SEC16A: variants seen among roughly 807,000 people sequenced by gnomAD.
SEC16A encodes SEC16 homolog A, endoplasmic reticulum export factor, also known as protein transport protein Sec16A.
In SEC16A, 110 loss-of-function variants were observed where a neutral mutation model predicts 221.9. The observed-to-expected ratio is 0.50, with a 90% CI of 0.42 to 0.58. The LOEUF (loss-of-function observed/expected upper bound fraction) is 0.58. Among genes scored for constraint, SEC16A ranks in the 20% least tolerant of loss-of-function variants. The pLI is 0.00. For synonymous variants in SEC16A, 1,393 were observed against 1,257.7 expected, an observed-to-expected ratio of 1.11 and a Z score of -2.28; for missense variants, 3,165 against 3,097.8, an observed-to-expected ratio of 1.02 and a Z score of -0.52.
At chr9:136,483,230 C>CTCTGCCCCGCCCCT, upstream of SEC16A, among the ~76,000 whole-genome samples, 2 of 144,282 alleles carry the variant, frequency 1.4e-5, no homozygotes, top group South Asian at 4.6e-4. Context: ...GTCCCGCCCC[C>CTCTGCCCCGCCCCT]TCTGCCCCCG....
At chr9:136,448,774 G>A (rs1300984692) in intron 23 of SEC16A, 5 of 712,902 alleles carry the variant, frequency 7.0e-6, no homozygotes, top group South Asian at 1.5e-5. Flanking sequence ...GAGACACCAG[G>A]AGGATGGAGG....
At chr9:136,471,889 T>G in intron 4 of SEC16A, 86 bp downstream of exon 4, 1 of 1,490,380 alleles carries the variant, frequency 6.7e-7, no homozygotes, top group Non-Finnish European at 9.2e-7. Flanking sequence ...CAGAACTTTT[T>G]GAGTCACTAA....
chr9:136,482,872 C>G, intron 1 of SEC16A, 66 bp downstream of exon 1: 3 of 670,154 alleles, frequency 4.5e-6, no homozygotes, highest in Non-Finnish European at 3.7e-6. Context: ...CACGGCCTGG[C>G]TCCGCCGGCC....
At position 136,469,102 on chromosome 9, in the gene SEC16A, A is replaced by G. The variant is rs1186013693; in HGVS notation, c.3705-590T>C. On this transcript the variant is annotated intron_variant, in intron 4 of 31. Coordinates refer to ENST00000684901, the MANE Select transcript of SEC16A (RefSeq NM_014866.2). ...TGGGGTCAAGCGATCCACCCACCTCAGCCTCCTAAAGTGCTGGGATTGCAG... is the reference window on the plus strand; with the variant it reads ...TGGGGTCAAGCGATCCACCCACCTCGGCCTCCTAAAGTGCTGGGATTGCAG... Among the ~76,000 whole-genome samples, 8 of 152,260 alleles carry G rather than the reference A, an allele frequency of 5.3e-5. No homozygotes were observed. The East Asian group carries it at 1.5e-3, about 29-fold the overall frequency.
In SEC16A at chr9:136,476,289, T is replaced by C. The variant is rs866592757; in HGVS notation, c.1327A>G (p.Thr443Ala). 5.6e-6 allele frequency: 9 copies of C among 1,613,160 alleles called. No homozygotes were observed. In the Middle Eastern group the frequency reaches 1.2e-3, roughly 207 times the overall value. Residue 443 changes from threonine (T) to alanine (A), a missense_variant, in exon 3 of 32, where the codon ACA (threonine) becomes GCA (alanine). By Grantham distance (58) the Thr-to-Ala change is moderately conservative. Coordinates refer to ENST00000684901, the MANE Select transcript of SEC16A (RefSeq NM_014866.2). ...NEAAGDVWGD[T>A]ASTGVPDASG... ...GCATCCGGCACCCCTGTGCTCGCTG[T>C]GTCACCCCACACATCACCAGCAGCC...
chr9:136,463,641 G>T (rs1163776014), intron 10 of SEC16A, 38 bp downstream of exon 10: 28 of 1,613,640 alleles, frequency 1.7e-5, no homozygotes, highest in Non-Finnish European at 2.4e-5. Context: ...TGTCTGCAAG[G>T]CCGGGCTCAC....
At chr9:136,483,548 C>G (rs572146202), upstream of SEC16A, 13 of 985,174 alleles carry the variant, frequency 1.3e-5, no homozygotes, top group African/African-American at 2.3e-4. Context: ...CGGCCAGGCG[C>G]GCCGGGGCCG....
Position 136,475,232 on chromosome 9 carries a change from G to C in SEC16A, c.2384C>G (p.Pro795Arg). ...IGASENLENP[P>R]KMGEEEALQS... ...AAGGGCCTCCTCCTCTCCCATTTTG[G>C]GAGGATTCTCAAGGTTCTCAGAAGC... The change falls in exon 3 of 32, where the codon CCC becomes CGC. Residue 795 changes from proline to arginine, a missense_variant. Pro to Arg is a moderately radical substitution (Grantham distance 103). This residue lies in a region of SEC16A where 2,030 missense variants were observed against 1,923.1 expected (regional missense o/e 1.06). Transcript: ENST00000684901. The surrounding 1 kb of genome is among the most constrained non-coding windows in gnomAD (Gnocchi z 5.0). 6.2e-7 allele frequency: 1 copy of C among 1,613,642 alleles called. No individual in the cohort carries two copies. The highest frequency in any genetic ancestry group is 8.5e-7 in the Non-Finnish European group (1 of 1,179,862).
rs187124099 is a variant in SEC16A, at chr9:136,454,255, G to A, written c.5930C>T (p.Pro1977Leu). The change falls in exon 21 of 32, where the codon CCG becomes CTG. Residue 1977 changes from proline to leucine, a missense_variant. By Grantham distance (98) the Pro-to-Leu change is moderately conservative. Coordinates refer to ENST00000684901, the MANE Select transcript of SEC16A (RefSeq NM_014866.2). ...GCCAGGACCCGGCTCCAGGGGCCCC[G>A]GGGGCAGTGGCACTGGGAACATCGG... ...RVPMFPVPLPPGPLEPGPGCV... is the reference protein window; with the variant it reads ...RVPMFPVPLPLGPLEPGPGCV... The A allele has an allele frequency of 5.8e-4, 909 of 1,579,958 alleles. 6 individuals carry two copies. The African/African-American group carries it at 8.8e-3, about 15-fold the overall frequency.
rs772819804 is a variant in SEC16A, at chr9:136,475,905, C to T, written c.1711G>A (p.Val571Ile). The change falls in exon 3 of 32, where the codon GTA becomes ATA. Residue 571 changes from valine to isoleucine, a missense_variant. Transcript: ENST00000684901. This position sits in a 1 kb window ranked among gnomAD's most constrained non-coding sequence, Gnocchi z 5.0. ...GTGGTCTCGTCTGTTTCACCTCCTA[C>T]GGGAGAAGAATCGATTTGCTTAAAA... is the stretch of plus-strand genomic sequence containing the variant. ...SFFKQIDSSP[V>I]GGETDETTVS... 3.4e-5 allele frequency: 55 copies of T among 1,610,642 alleles called. No homozygotes were observed. The highest frequency in any genetic ancestry group is 1.6e-4 in the Middle Eastern group (1 of 6,084).
chr9:136,462,908 C>G lies in SEC16A; in HGVS notation c.4872G>C (p.Leu1624=). The change falls in exon 12 of 32, where the codon CTG becomes CTC. Residue 1624 remains leucine, a synonymous_variant. Transcript: ENST00000684901. ...GCACCTTCTTACGGCCATACAGCAA[C>G]AGCTCCCTGAACCTCTCGGTCTCTC... The part of the protein sequence containing the change: ...LERETERFRE[L]LLYGRKKDAL... The G allele has an allele frequency of 6.2e-7, 1 of 1,601,938 alleles. No individual in the cohort carries two copies. Among genetic ancestry groups the G allele is most frequent in the Non-Finnish European group, 8.5e-7 (1 of 1,179,808 alleles).
chr9:136,479,096 G>A (rs1842008018), intron 1 of SEC16A, among the ~76,000 whole-genome samples: 1 of 152,114 alleles, frequency 6.6e-6, no homozygotes. Flanking sequence ...TTCAACAACA[G>A]GCAGAATTGC....
In SEC16A at chr9:136,455,656, C is replaced by T. The variant is rs571492186; in HGVS notation, c.5802G>A (p.Ala1934=). ...GALGIANPLL[A]VPAPSPEHSS... The stretch of plus-strand genomic sequence containing the variant: ...AGTGCTCAGGGCTCGGTGCAGGCAC[C>T]GCCAGCAGAGGGTTGGCGATCCCCA... Residue 1934 remains alanine (A), a synonymous_variant, in exon 20 of 32, where the codon GCG becomes GCA. Coordinates refer to ENST00000684901, the MANE Select transcript of SEC16A (RefSeq NM_014866.2). The T allele has an allele frequency of 7.1e-5, 113 of 1,591,646 alleles. 1 individual carries two copies. Among genetic ancestry groups the T allele is most frequent in the Non-Finnish European group, 8.9e-5 (104 of 1,170,296 alleles).
At chr9:136,477,770 C>A in intron 2 of SEC16A, 86 bp from the exon 3 acceptor site, 1 of 1,305,048 alleles carries the variant, frequency 7.7e-7, no homozygotes. Context: ...AAAAGAGAAA[C>A]ATTGAACATG....
At chr9:136,469,892 G>A (rs934966341) in intron 4 of SEC16A, among the ~76,000 whole-genome samples, 1 of 152,172 alleles carries the variant, frequency 6.6e-6, no homozygotes, top group African/African-American at 2.4e-5. Flanking sequence ...CCACAGTAAC[G>A]AGCCCTGCTG....
At position 136,475,701 on chromosome 9, in the gene SEC16A, A is replaced by T. The variant is rs536445766; in HGVS notation, c.1915T>A (p.Cys639Ser). Residue 639 changes from cysteine (C) to serine (S), a missense_variant, in exon 3 of 32, where the codon TGT (cysteine) becomes AGT (serine). By Grantham distance (112) the Cys-to-Ser change is moderately radical (BLOSUM62 -1). Transcript: ENST00000684901. This position sits in a 1 kb window ranked among gnomAD's most constrained non-coding sequence, Gnocchi z 5.0. ...GGTCTGCACTGCTTCTGGCGGACACAGGTCTCCCTTACTTCACCAACCACG... is the reference window on the plus strand; with the variant it reads ...GGTCTGCACTGCTTCTGGCGGACACTGGTCTCCCTTACTTCACCAACCACG... ...ANVVGEVRET[C>S]VRQKQCRPAA... The T allele has an allele frequency of 3.2e-5, 51 of 1,613,396 alleles. No homozygotes were observed. The Admixed American group carries it at 7.5e-4, about 24-fold the overall frequency.
At position 136,475,776 on chromosome 9, in the gene SEC16A, C is replaced by G; in HGVS notation, c.1840G>C (p.Val614Leu). Residue 614 changes from valine (V) to leucine (L), a missense_variant, in exon 3 of 32, where the codon GTA (valine) becomes CTA (leucine). This residue lies in a region of SEC16A where 2,030 missense variants were observed against 1,923.1 expected (regional missense o/e 1.06). Transcript: ENST00000684901. This position sits in a 1 kb window ranked among gnomAD's most constrained non-coding sequence, Gnocchi z 5.0. The stretch of plus-strand genomic sequence containing the variant: ...TTTACCCCAACTAAGTGAGATTTTA[C>G]CGGTTCGAAAGAACTATTTGCACTT... Reference protein sequence around the residue: ...QTSANSSFEPVKSHLVGVKPF... With the variant: ...QTSANSSFEPLKSHLVGVKPF... 6.3e-7 allele frequency: 1 copy of G among 1,597,050 alleles called. No individual in the cohort carries two copies. Among genetic ancestry groups the G allele is most frequent in the Non-Finnish European group, 8.5e-7 (1 of 1,171,516 alleles).
At position 136,459,119 on chromosome 9, in the gene SEC16A, G is replaced by C. The variant is rs769579381; in HGVS notation, c.5409+15C>G. 1 of 1,587,126 alleles carries C rather than the reference G, an allele frequency of 6.3e-7. No homozygotes were observed. The highest frequency in any genetic ancestry group is 1.1e-5 in the South Asian group (1 of 89,346). The stretch of plus-strand genomic sequence containing the variant: ...GCCCAGCCATGACAGCTGCAGGCTG[G>C]CAGCACCTGCTTACCTGGAAACTAG... On this transcript the variant is annotated intron_variant, in intron 17 of 31. Coordinates refer to ENST00000684901, the MANE Select transcript of SEC16A (RefSeq NM_014866.2). The surrounding 1 kb of genome is among the most constrained non-coding windows in gnomAD (Gnocchi z 6.1).
chr9:136,442,865 A>ATC (rs1480193293), intron 31 of SEC16A, among the ~76,000 whole-genome samples: 1 of 152,268 alleles, frequency 6.6e-6, no homozygotes, highest in Non-Finnish European at 1.5e-5. Flanking sequence ...CGTGAAAGGC[A>ATC]TCTCCCAAGT....
Sources: gnomAD v4.1 joint callset for allele counts (sites outside exome capture counted in the v4.1 genomes callset) on GRCh38, gnomAD v4.1.1 for gene constraint, gnomAD v4.1.1 regional missense constraint, Gnocchi (gnomAD v3.1) non-coding constraint, MANE v1.5 for transcripts, NCBI Gene and HGNC (gene_info 2026-07-23, HGNC 2026-07-21) for gene names.